Variants in SCN9A observed in about 807,000 individuals in gnomAD.
SCN9A encodes the protein sodium voltage-gated channel alpha subunit 9.
SCN9A carries 131 observed loss-of-function variants against 187.0 expected under a neutral mutation model. The observed-to-expected ratio is 0.70, with a 90% CI of 0.61 to 0.81. SCN9A has a LOEUF of 0.81. Ranked by LOEUF, SCN9A falls within the 30% of genes least tolerant of loss-of-function variation. The probability of loss-of-function intolerance (pLI) is 0.00; values close to 1 mark genes in which losing one functional copy is unlikely to be tolerated. For synonymous variants in SCN9A, 809 were observed against 808.6 expected (o/e 1.00, Z -0.01); for missense variants, 2,252 against 2,396.6 (o/e 0.94, Z 1.26).
chr2:166,289,776 C>A (rs1362427034), intron 9 of SCN9A, among the ~76,000 whole-genome samples: 2 of 152,118 alleles, frequency 1.3e-5, no homozygotes. Context: ...TAAAAGCATT[C>A]CTATTTCTCC....
At chr2:166,244,955 G>C (rs1341146021) in intron 18 of SCN9A, among the ~76,000 whole-genome samples, 1 of 152,030 alleles carries the variant, frequency 6.6e-6, no homozygotes, top group African/African-American at 2.4e-5. Flanking sequence ...TATTGTGTTT[G>C]TAGCCATTAC....
intron 1 of SCN9A, among the ~76,000 whole-genome samples, chr2:166,358,121 G>GT (rs1700196068): frequency 6.6e-6 from 1 of 151,288 alleles, no homozygotes; most frequent in African/African-American, 2.4e-5. Context: ...CCAGGCTGGA[G>GT]TGCCTTGGTG....
In SCN9A at chr2:166,233,394, C is replaced by G; in HGVS notation, c.3870G>C (p.Arg1290=). The part of the protein sequence containing the change: ...YSDLGPIKSL[R]TLRALRPLRA... ...TTAGAGGTCTTAAAGCTCTCAGTGT[C>G]CGAAGGGATTTAATGGGGCCAAGAT... is the stretch of plus-strand genomic sequence containing the variant. The change falls in exon 21 of 27, where the codon CGG becomes CGC. Residue 1290 remains arginine (R), a synonymous_variant. Transcript: ENST00000642356. 1 of 1,581,474 alleles carries G rather than the reference C, an allele frequency of 6.3e-7. No individual in the cohort carries two copies. The highest frequency in any genetic ancestry group is 8.6e-7 in the Non-Finnish European group (1 of 1,167,248).
At chr2:166,266,737 C>T (rs114260303) in intron 17 of SCN9A, among the ~76,000 whole-genome samples, 11,288 of 151,752 alleles carry the variant, frequency 0.074, 434 homozygotes, top group Non-Finnish European at 0.087. Context: ...CAATTTCTCT[C>T]ACCAATATTT....
chr2:166,346,616 C>T (rs1699907547), intron 1 of SCN9A, among the ~76,000 whole-genome samples: 1 of 152,048 alleles, frequency 6.6e-6, no homozygotes, highest in Non-Finnish European at 1.5e-5. Context: ...TCAGCTGCTA[C>T]CCTGACAACA....
chr2:166,345,289 A>C (rs769554090), intron 1 of SCN9A, among the ~76,000 whole-genome samples: 36 of 133,276 alleles, frequency 2.7e-4, no homozygotes, highest in Non-Finnish European at 5.3e-4. Flanking sequence ...ATTAGTACTG[A>C]ATTGTGGTGT....
intron 14 of SCN9A, 66 bp from the exon 15 acceptor site, chr2:166,278,379 A>G: frequency 7.7e-7 from 1 of 1,300,822 alleles, no homozygotes. Flanking sequence ...AATGATAATA[A>G]TCACTGTTTG....
intron 25 of SCN9A, 22 bp from the exon 26 acceptor site, chr2:166,204,247 A>G: frequency 6.2e-7 from 1 of 1,600,548 alleles, no homozygotes; most frequent in Non-Finnish European, 8.5e-7. Flanking sequence ...TAAGAATAAT[A>G]TCGAATGCAG....
intron 24 of SCN9A, among the ~76,000 whole-genome samples, chr2:166,205,900 G>T (rs565193060): frequency 1.8e-4 from 28 of 152,222 alleles, no homozygotes; most frequent in South Asian, 4.1e-4. Flanking sequence ...GCAGCCAACA[G>T]ACATATGAAA....
In SCN9A at chr2:166,360,956, A is replaced by G. The variant is rs141673661; in HGVS notation, c.-51+14741T>C. On this transcript the variant is annotated intron_variant, in intron 1 of 26. Transcript: ENST00000642356. ...TTAAAATATAGATCTGCAGTAAAAT[A>G]GTAAGACAGCATAACCCAGTTGTTA... Among the ~76,000 whole-genome samples the G allele has an allele frequency of 3.5e-3, 530 of 152,294 alleles. 10 individuals carry two copies. The highest frequency in any genetic ancestry group is 0.026 in the Admixed American group (398 of 15,300).
chr2:166,344,402 T>C (rs1699854381), intron 1 of SCN9A, among the ~76,000 whole-genome samples: 1 of 152,092 alleles, frequency 6.6e-6, no homozygotes, highest in Non-Finnish European at 1.5e-5. Context: ...ATATGAAATA[T>C]GAGAAACCAC....
intron 12 of SCN9A, 70 bp from the exon 13 acceptor site, chr2:166,281,878 G>C (rs1697507643): frequency 7.1e-7 from 1 of 1,413,970 alleles, no homozygotes; most frequent in Non-Finnish European, 9.6e-7. Flanking sequence ...ATAAAATCTT[G>C]CTTATATAGC....
intron 2 of SCN9A, 40 bp from the exon 3 acceptor site, chr2:166,307,114 A>C (rs201651716): frequency 1.7e-6 from 2 of 1,196,104 alleles, no homozygotes; most frequent in Non-Finnish European, 2.5e-6. Context: ...GAGAATCCAA[A>C]ATATCAATTT....
Position 166,306,713 on chromosome 2 carries a change from G to A in SCN9A, c.378-114C>T, listed in dbSNP as rs556841303. On this transcript the variant is annotated intron_variant, in intron 3 of 26. Transcript: ENST00000642356. ...TAAGAAAAAAATTCTAAATGAGCTT[G>A]TAGACTATTTTGTCTCTTTGAACAA... The A allele has an allele frequency of 2.3e-5, 18 of 782,494 alleles. No homozygotes were observed. In the African/African-American group the frequency reaches 3.1e-4, roughly 14 times the overall value. 48.5% of individuals were successfully genotyped at this position (782,494 alleles called of 1,614,324 possible). A position where few individuals can be genotyped will look rare whatever the true frequency, so the allele number is the denominator to read the frequency against.
At chr2:166,325,951 T>C (rs1037125566) in intron 1 of SCN9A, among the ~76,000 whole-genome samples, 1 of 152,146 alleles carries the variant, frequency 6.6e-6, no homozygotes, top group African/African-American at 2.4e-5. Context: ...TCATAACTTA[T>C]CTACTCATAA....
intron 17 of SCN9A, among the ~76,000 whole-genome samples, chr2:166,261,259 A>C (rs1259036661): frequency 1.3e-5 from 2 of 151,908 alleles, no homozygotes; most frequent in Non-Finnish European, 2.9e-5. Context: ...GATTTTATTC[A>C]GGGTAGCAAT....
At chr2:166,275,487 G>A (rs886787359) in intron 16 of SCN9A, among the ~76,000 whole-genome samples, 6 of 151,862 alleles carry the variant, frequency 4.0e-5, no homozygotes, top group Non-Finnish European at 8.8e-5. Flanking sequence ...AGGAGGCTGA[G>A]GCAGAAGAAT....
At chr2:166,348,997 G>A (rs1423259458) in intron 1 of SCN9A, among the ~76,000 whole-genome samples, 6 of 151,918 alleles carry the variant, frequency 3.9e-5, no homozygotes, top group African/African-American at 9.7e-5. Flanking sequence ...GCGTGGTGGC[G>A]CGTGCTTATA....
At chr2:166,221,192 A>G (rs1694569961) in intron 24 of SCN9A, among the ~76,000 whole-genome samples, 3 of 152,194 alleles carry the variant, frequency 2.0e-5, no homozygotes, top group African/African-American at 4.8e-5. Context: ...CCCAGTATTC[A>G]CGAATTAAAT....
Sources: gnomAD v4.1 joint callset for allele counts (sites outside exome capture counted in the v4.1 genomes callset) on GRCh38, gnomAD v4.1.1 for gene constraint, MANE v1.5 for transcripts, NCBI Gene and HGNC (gene_info 2026-07-23, HGNC 2026-07-21) for gene names.